SLC26A7: variants seen among roughly 807,000 people sequenced by gnomAD.
SLC26A7 encodes the protein anion exchange transporter.
SLC26A7 carries 59 observed loss-of-function variants against 82.5 expected under a neutral mutation model. The ratio of observed to expected loss-of-function variants is 0.72; its 90% CI spans 0.58 to 0.89. SLC26A7 has a LOEUF of 0.89. Among genes scored for constraint, SLC26A7 ranks in the 40% least tolerant of loss-of-function variants. The pLI is 0.00. For missense variants in SLC26A7, 820 were observed against 793.0 expected (o/e 1.03, Z -0.41); for synonymous variants, 271 against 274.3 (o/e 0.99, Z 0.12).
chr8:91,348,576 A>G (rs1216621967), intron 9 of SLC26A7, among the ~76,000 whole-genome samples: 1 of 152,214 alleles, frequency 6.6e-6, no homozygotes, highest in Admixed American at 6.5e-5. Context: ...TTGGTCATTT[A>G]GTTAGTATGA....
chr8:91,212,408 C>G (rs1239710790), intron 1 of SLC26A7, among the ~76,000 whole-genome samples: 2 of 152,004 alleles, frequency 1.3e-5, no homozygotes, highest in African/African-American at 4.8e-5. Context: ...AACTCTCAAC[C>G]CTGTATTAAA....
At chr8:91,260,025 T>A (rs1282389857) in intron 2 of SLC26A7, among the ~76,000 whole-genome samples, 1 of 152,170 alleles carries the variant, frequency 6.6e-6, no homozygotes, top group East Asian at 1.9e-4. Flanking sequence ...GGTACTTATA[T>A]CCTTTACTAA....
At chr8:91,243,629 A>G (rs1416562216) in intron 2 of SLC26A7, among the ~76,000 whole-genome samples, 1 of 152,078 alleles carries the variant, frequency 6.6e-6, no homozygotes, top group East Asian at 1.9e-4. Context: ...TCAGCACATG[A>G]ATGGGAGGAA....
At chr8:91,278,539 A>T (rs993509096) in intron 2 of SLC26A7, among the ~76,000 whole-genome samples, 3 of 152,138 alleles carry the variant, frequency 2.0e-5, no homozygotes, top group South Asian at 2.1e-4. Flanking sequence ...TAATGCAAAG[A>T]TGTTATTTTT....
intron 2 of SLC26A7, among the ~76,000 whole-genome samples, chr8:91,242,575 G>A (rs1810489188): frequency 1.3e-5 from 2 of 152,144 alleles, no homozygotes; most frequent in African/African-American, 4.8e-5. Context: ...TGAGAGTAGG[G>A]TCATCATGGT....
intron 2 of SLC26A7, among the ~76,000 whole-genome samples, chr8:91,288,545 TA>T (rs1811772878): frequency 6.6e-6 from 1 of 152,202 alleles, no homozygotes; most frequent in Admixed American, 6.5e-5. Context: ...TTTTCCACTC[TA>T]AGACACTGTA....
chr8:91,286,117 T>C (rs1811702781), intron 2 of SLC26A7, among the ~76,000 whole-genome samples: 1 of 152,158 alleles, frequency 6.6e-6, no homozygotes, highest in South Asian at 2.1e-4. Context: ...GAGCCAGAGA[T>C]TGAGCTACTT....
intron 5 of SLC26A7, among the ~76,000 whole-genome samples, chr8:91,322,519 A>C (rs1812820479): frequency 6.6e-6 from 1 of 152,190 alleles, no homozygotes; most frequent in Admixed American, 6.5e-5. Flanking sequence ...TATTTACAAA[A>C]AAAATTTTTA....
chr8:91,348,376 C>T (rs888835537), intron 9 of SLC26A7: 1 of 985,112 alleles, frequency 1.0e-6, no homozygotes. Flanking sequence ...TGGTTTCTCC[C>T]TCTACTCCCA....
intron 2 of SLC26A7, among the ~76,000 whole-genome samples, chr8:91,225,643 G>GTTTTTTTTTTTTTTTTTTTT (rs55732709): frequency 2.8e-5 from 1 of 36,120 alleles, no homozygotes; most frequent in Non-Finnish European, 4.5e-5. Flanking sequence ...CTAGAAAAGT[G>GTTTTTTTTTTTTTTTTTTTT]TTTTTTTTTT....
chr8:91,260,653 T>C (rs1194823947), intron 2 of SLC26A7, among the ~76,000 whole-genome samples: 2 of 152,102 alleles, frequency 1.3e-5, no homozygotes, highest in Admixed American at 1.3e-4. Context: ...AGGCCCATGC[T>C]CCTTCTGGTG....
chr8:91,340,734 T>A (rs1813386354), intron 8 of SLC26A7, 183 bp downstream of exon 8: 4 of 655,610 alleles, frequency 6.1e-6, no homozygotes, highest in African/African-American at 3.7e-5. Context: ...TGACATTGAT[T>A]GTTCACAATG....
At chr8:91,231,740 G>A (rs1810313204) in intron 2 of SLC26A7, among the ~76,000 whole-genome samples, 4 of 152,022 alleles carry the variant, frequency 2.6e-5, no homozygotes, top group Admixed American at 2.6e-4. Flanking sequence ...CCAGGCAGGA[G>A]GCAAATACTG....
chr8:91,323,914 G>A (rs1342150383), intron 5 of SLC26A7, among the ~76,000 whole-genome samples: 1 of 150,682 alleles, frequency 6.6e-6, no homozygotes, highest in Non-Finnish European at 1.5e-5. Flanking sequence ...CACCTCCCGG[G>A]TTCAATGGTT....
At chr8:91,364,075 A>G (rs537225780) in intron 13 of SLC26A7, among the ~76,000 whole-genome samples, 7 of 152,086 alleles carry the variant, frequency 4.6e-5, no homozygotes, top group Non-Finnish European at 1.0e-4. Flanking sequence ...CACAACTTGT[A>G]TAAACAGTTT....
intron 5 of SLC26A7, among the ~76,000 whole-genome samples, chr8:91,328,954 A>G (rs1223515887): frequency 6.6e-6 from 1 of 152,162 alleles, no homozygotes; most frequent in African/African-American, 2.4e-5. Flanking sequence ...ACAGTCTCAA[A>G]ATGAGCTGAA....
intron 15 of SLC26A7, among the ~76,000 whole-genome samples, chr8:91,386,578 G>T (rs1329962822): frequency 2.0e-5 from 3 of 152,134 alleles, no homozygotes; most frequent in Non-Finnish European, 4.4e-5. Flanking sequence ...AAAGCCATTG[G>T]ATTTTTAAAA....
intron 2 of SLC26A7, among the ~76,000 whole-genome samples, chr8:91,238,581 A>C (rs1810423963): frequency 1.3e-5 from 2 of 149,982 alleles, no homozygotes; most frequent in Non-Finnish European, 3.0e-5. Flanking sequence ...ACACATATAT[A>C]TATATACATA....
chr8:91,267,049 G>A (rs928896961), intron 2 of SLC26A7, among the ~76,000 whole-genome samples: 5 of 151,840 alleles, frequency 3.3e-5, no homozygotes, highest in African/African-American at 1.2e-4. Flanking sequence ...CTACTGGTTG[G>A]TGTATTCTCA....
Sources: gnomAD v4.1 joint callset for allele counts (sites outside exome capture counted in the v4.1 genomes callset) on GRCh38, gnomAD v4.1.1 for gene constraint, MANE v1.5 for transcripts, NCBI Gene and HGNC (gene_info 2026-07-23, HGNC 2026-07-21) for gene names.